SMIM45: variants seen among roughly 807,000 people sequenced by gnomAD.
SMIM45 encodes long intergenic non-protein coding RNA 634.
At chr22:41,956,576 C>T in the SMIM45 span, among the ~76,000 whole-genome samples, 1 of 152,208 alleles carries the variant, frequency 6.6e-6, no homozygotes, top group African/African-American at 2.4e-5. Flanking sequence ...AGGGCTGGGC[C>T]CCGGGGCTCA....
the SMIM45 span, among the ~76,000 whole-genome samples, chr22:41,953,656 T>C: frequency 6.6e-6 from 1 of 152,036 alleles, no homozygotes; most frequent in South Asian, 2.1e-4. Context: ...CACCCCTTTC[T>C]TATAACTAGG....
At chr22:41,958,197 G>A in the SMIM45 span, 20 of 418,912 alleles carry the variant, frequency 4.8e-5, no homozygotes, top group Admixed American at 1.6e-4. Context: ...GCAGCACTCT[G>A]CCCTCCACTG....
chr22:41,958,325 G>A, the SMIM45 span: 1 of 456,588 alleles, frequency 2.2e-6, no homozygotes. Context: ...TAGGCAGGTC[G>A]AAGCCAACCC....
chr22:41,950,621 C>A, the SMIM45 span, among the ~76,000 whole-genome samples: 3 of 152,052 alleles, frequency 2.0e-5, no homozygotes, highest in Admixed American at 6.6e-5. Flanking sequence ...TCACCTGAGC[C>A]CAGGAGGCAG....
the SMIM45 span, among the ~76,000 whole-genome samples, chr22:41,954,477 A>G: frequency 1.3e-5 from 2 of 152,172 alleles, no homozygotes; most frequent in African/African-American, 4.8e-5. Flanking sequence ...AAATGCTGGA[A>G]TTACAGGCGT....
the SMIM45 span, chr22:41,947,093 A>G: frequency 1.2e-6 from 2 of 1,612,350 alleles, no homozygotes; most frequent in Admixed American, 1.7e-5. Context: ...CGCAGGACCA[A>G]CCGTTGCTCC....
the SMIM45 span, among the ~76,000 whole-genome samples, chr22:41,953,499 G>T: frequency 2.6e-5 from 4 of 152,112 alleles, no homozygotes; most frequent in Admixed American, 6.5e-5. Context: ...GTAAGCCAAG[G>T]CAAGTTAGTG....
chr22:41,957,004 C>T, the SMIM45 span, among the ~76,000 whole-genome samples: 1 of 151,910 alleles, frequency 6.6e-6, no homozygotes, highest in African/African-American at 2.4e-5. Flanking sequence ...TGGTCTTGAA[C>T]TCCTGACCTC....
chr22:41,950,745 C>T, the SMIM45 span, among the ~76,000 whole-genome samples: 5 of 152,096 alleles, frequency 3.3e-5, no homozygotes, highest in Admixed American at 3.3e-4. Flanking sequence ...CCTGTAATCC[C>T]AGCACTTTGG....
At chr22:41,958,828 C>CG in the SMIM45 span, 1 of 163,864 alleles carries the variant, frequency 6.1e-6, no homozygotes, top group Non-Finnish European at 1.4e-5. Context: ...TGTGGAGACT[C>CG]TGTTGCCCCA....
chr22:41,958,494 G>C, the SMIM45 span: 1 of 410,198 alleles, frequency 2.4e-6, no homozygotes, highest in South Asian at 1.7e-5. Flanking sequence ...GAGAGAGAGA[G>C]AGAGAGAGAG....
chr22:41,949,681 G>C, the SMIM45 span, among the ~76,000 whole-genome samples: 3 of 152,214 alleles, frequency 2.0e-5, no homozygotes, highest in African/African-American at 7.2e-5. Context: ...CCTGGTCCCA[G>C]AGGGGCCAAA....
At chr22:41,949,283 A>G in the SMIM45 span, among the ~76,000 whole-genome samples, 1 of 152,060 alleles carries the variant, frequency 6.6e-6, no homozygotes, top group African/African-American at 2.4e-5. Flanking sequence ...GCTGTCTGGC[A>G]GAAGAGATGG....
At chr22:41,947,043 C>T in the SMIM45 span, 1 of 1,612,926 alleles carries the variant, frequency 6.2e-7, no homozygotes, top group South Asian at 1.1e-5. Context: ...GTGTTCAGGC[C>T]GGGCAGCTTG....
At chr22:41,950,523 T>A in the SMIM45 span, among the ~76,000 whole-genome samples, 7 of 150,716 alleles carry the variant, frequency 4.6e-5, no homozygotes, top group Non-Finnish European at 8.8e-5. Flanking sequence ...TATGGCAAAA[T>A]CTTGTCTCTA....
the SMIM45 span, among the ~76,000 whole-genome samples, chr22:41,956,853 A>G: frequency 2.6e-5 from 4 of 152,216 alleles, no homozygotes; most frequent in Non-Finnish European, 4.4e-5. Context: ...CAGTGGCGCG[A>G]TCTTGGCTCA....
At chr22:41,955,060 A>C in the SMIM45 span, among the ~76,000 whole-genome samples, 1 of 149,874 alleles carries the variant, frequency 6.7e-6, no homozygotes, top group Non-Finnish European at 1.5e-5. Flanking sequence ...GACGCACCTT[A>C]CACCTGCTAC....
chr22:41,957,882 C>G, the SMIM45 span: 49 of 158,536 alleles, frequency 3.1e-4, no homozygotes, highest in Non-Finnish European at 6.8e-4. Flanking sequence ...TTCGGCGGCC[C>G]GGAGGTCTGA....
At chr22:41,953,022 T>C in the SMIM45 span, among the ~76,000 whole-genome samples, 1 of 152,156 alleles carries the variant, frequency 6.6e-6, no homozygotes, top group South Asian at 2.1e-4. Flanking sequence ...GAAAGGCAGC[T>C]GGTTAAAAGG....
Sources: allele counts gnomAD v4.1 joint callset (sites outside exome capture counted in the v4.1 genomes callset), GRCh38; gene constraint gnomAD v4.1.1; transcripts MANE v1.5; gene names NCBI Gene and HGNC (gene_info 2026-07-23, HGNC 2026-07-21).